The following TTC23 variants were observed in gnomAD, a reference collection of about 807,000 sequenced individuals.
The protein encoded by TTC23 is tetratricopeptide repeat protein 23.
TTC23 carries 58 observed loss-of-function variants against 55.1 expected under a neutral mutation model. The ratio of observed to expected loss-of-function variants is 1.05; its 90% CI spans 0.85 to 1.31. TTC23 has a LOEUF of 1.31. TTC23 is among the 50% of genes most tolerant of loss of function. The pLI, the probability that TTC23 is intolerant of heterozygous loss-of-function variation, is 0.00. For missense variants in TTC23, 516 were observed against 534.4 expected, an observed-to-expected ratio of 0.97 and a Z score of 0.34; for synonymous variants, 203 against 199.9, an observed-to-expected ratio of 1.02 and a Z score of -0.13.
chr15:99,201,184 T>G (rs1465999801), intron 8 of TTC23, among the ~76,000 whole-genome samples: 1 of 151,932 alleles, frequency 6.6e-6, no homozygotes, highest in Non-Finnish European at 1.5e-5. Flanking sequence ...AATGCTAATT[T>G]AGAAATTATA....
At position 99,228,634 on chromosome 15, in the gene TTC23, T is replaced by A. The variant is rs140275587; in HGVS notation, c.79A>T (p.Lys27Ter). 6.2e-7 allele frequency: 1 copy of A among 1,613,966 alleles called. No homozygotes were observed. The highest frequency in any genetic ancestry group is 1.7e-5 in the Admixed American group (1 of 60,024). Reference protein sequence around the residue: ...VAAVSITHRKKFQNKLLQTAL... With the variant: ...VAAVSITHRK ...GTCTGAAGCAGCTTGTTTTGGAACT[T>A]CTTTCTATGAGTGATGCTAACAGCA... The change falls in exon 5 of 14, where the codon AAG becomes TAG. Residue 27 changes from lysine to a stop codon, truncating the protein, a stop_gained. Transcript: ENST00000394132. LOFTEE classifies it high-confidence loss of function.
chr15:99,164,395 A>G (rs929429881), intron 10 of TTC23, among the ~76,000 whole-genome samples: 6 of 152,208 alleles, frequency 3.9e-5, no homozygotes, highest in African/African-American at 1.4e-4. Context: ...CTACCCTACA[A>G]GAGGAAAATG....
rs202193134 is a variant in TTC23 at position 99,137,736 on chromosome 15, C to T, written c.*274G>A. 1 of 442,200 alleles carries T rather than the reference C, an allele frequency of 2.3e-6. No homozygotes were observed. Among genetic ancestry groups the T allele is most frequent in the East Asian group, 4.2e-5 (1 of 23,946 alleles). 27.4% of individuals were successfully genotyped at this position (442,200 alleles called of 1,614,324 possible). On this transcript the variant is annotated 3_prime_UTR_variant, in exon 14 of 14. Transcript: ENST00000394132. The stretch of plus-strand genomic sequence containing the variant: ...CTGTTGAAGAGAAGTTTTTCAGCCA[C>T]AGTAGTGCTGATGGGTAAAAATTCT...
At chr15:99,141,439 G>A (rs912521976) in intron 12 of TTC23, among the ~76,000 whole-genome samples, 2 of 152,156 alleles carry the variant, frequency 1.3e-5, no homozygotes, top group Non-Finnish European at 2.9e-5. Flanking sequence ...ATCTGGGGAT[G>A]GGGTAGGTAT....
At chr15:99,210,576 G>C (rs985535668) in intron 8 of TTC23, among the ~76,000 whole-genome samples, 1 of 152,216 alleles carries the variant, frequency 6.6e-6, no homozygotes, top group Non-Finnish European at 1.5e-5. Flanking sequence ...GCAGGCAAGG[G>C]AGAAGCAGGA....
At chr15:99,165,026 G>A (rs933400518) in intron 10 of TTC23, among the ~76,000 whole-genome samples, 2 of 152,218 alleles carry the variant, frequency 1.3e-5, no homozygotes, top group African/African-American at 4.8e-5. Context: ...GGTATAAGGA[G>A]TAAACAGATT....
rs184435669 is a variant in TTC23, at chr15:99,168,185, C to T, written c.866-6318G>A. Among the ~76,000 whole-genome samples the T allele has an allele frequency of 4.6e-5, 7 of 152,308 alleles. No individual in the cohort carries two copies. The South Asian group carries it at 1.2e-3, about 27-fold the overall frequency. On this transcript the variant is annotated intron_variant, in intron 10 of 13. Coordinates refer to ENST00000394132, the MANE Select transcript of TTC23 (RefSeq NM_001288615.3). ...TTCAGGGAGTGGCAGGGCTGCTACT[C>T]ACTAGCTGTGTGATACAAGGAAGTC...
intron 3 of TTC23, among the ~76,000 whole-genome samples, chr15:99,236,523 T>C (rs960660639): frequency 2.6e-5 from 4 of 151,552 alleles, no homozygotes; most frequent in Non-Finnish European, 1.5e-5. Flanking sequence ...TGGAGTGCAG[T>C]GGTGTGATCG....
intron 6 of TTC23, 64 bp downstream of exon 6, chr15:99,221,677 T>C (rs2077940642): frequency 1.9e-6 from 3 of 1,601,986 alleles, no homozygotes; most frequent in Non-Finnish European, 2.6e-6. Context: ...TAAGTGTGAA[T>C]CAAATTTTGG....
intron 5 of TTC23, among the ~76,000 whole-genome samples, chr15:99,226,851 C>G (rs1409979133): frequency 6.6e-6 from 1 of 152,170 alleles, no homozygotes; most frequent in African/African-American, 2.4e-5. Flanking sequence ...GCACTTATCA[C>G]AGTCTATAAT....
intron 9 of TTC23, among the ~76,000 whole-genome samples, chr15:99,178,790 A>G (rs1430017033): frequency 6.6e-6 from 1 of 152,218 alleles, no homozygotes; most frequent in Non-Finnish European, 1.5e-5. Flanking sequence ...AAACAGGTTA[A>G]TGGAGGAAAA....
intron 9 of TTC23, among the ~76,000 whole-genome samples, chr15:99,197,925 G>GA (rs982407834): frequency 7.9e-5 from 12 of 151,456 alleles, no homozygotes; most frequent in Admixed American, 2.6e-4. Context: ...AAAGAAAAAA[G>GA]AAAAAAGAAA....
At chr15:99,205,587 C>T (rs2076559718) in intron 8 of TTC23, among the ~76,000 whole-genome samples, 1 of 147,998 alleles carries the variant, frequency 6.8e-6, no homozygotes. Context: ...GCATTACTTT[C>T]TTGTTTTTTT....
intron 3 of TTC23, among the ~76,000 whole-genome samples, chr15:99,238,426 A>C (rs1307004980): frequency 3.9e-5 from 6 of 152,208 alleles, no homozygotes; most frequent in Non-Finnish European, 7.3e-5. Context: ...TAGGTGCTAA[A>C]ATTGCTAGAA....
intron 2 of TTC23, among the ~76,000 whole-genome samples, chr15:99,243,133 G>A (rs941339606): frequency 1.3e-5 from 2 of 152,016 alleles, no homozygotes; most frequent in Non-Finnish European, 2.9e-5. Context: ...AATATATAAG[G>A]AGCTTAAACA....
At chr15:99,237,566 T>C (rs894888167) in intron 3 of TTC23, among the ~76,000 whole-genome samples, 1 of 152,188 alleles carries the variant, frequency 6.6e-6, no homozygotes, top group African/African-American at 2.4e-5. Context: ...ATTCCATTTA[T>C]ATAAATTTCA....
chr15:99,166,664 GCCT>G (rs2072146188), intron 10 of TTC23, among the ~76,000 whole-genome samples: 1 of 152,216 alleles, frequency 6.6e-6, no homozygotes, highest in African/African-American at 2.4e-5. Flanking sequence ...TCTGGGGGCA[GCCT>G]CCTCAAGTCG....
At chr15:99,142,145 C>T (rs994573465) in intron 12 of TTC23, among the ~76,000 whole-genome samples, 1 of 152,102 alleles carries the variant, frequency 6.6e-6, no homozygotes, top group Admixed American at 6.6e-5. Flanking sequence ...GGAGGGGATG[C>T]GGACATGTTT....
Position 99,199,948 on chromosome 15 carries a change from G to A in TTC23, c.730C>T (p.His244Tyr). 6.2e-7 allele frequency: 1 copy of A among 1,612,468 alleles called. No homozygotes were observed. Among genetic ancestry groups the A allele is most frequent in the Non-Finnish European group, 8.5e-7 (1 of 1,179,282 alleles). Residue 244 changes from histidine (H) to tyrosine (Y), a missense_variant, in exon 9 of 14, where the codon CAC becomes TAC. Transcript: ENST00000394132. ...AGGAAGTGGTTGATGGATACATCGTGGAGTCCCAGGGCTTGCTCTACACCT... is the reference window on the plus strand; with the variant it reads ...AGGAAGTGGTTGATGGATACATCGTAGAGTCCCAGGGCTTGCTCTACACCT... ...LAGVEQALGLHDVSINHFLQA... is the reference protein window; with the variant it reads ...LAGVEQALGLYDVSINHFLQA...
Sources: gnomAD v4.1 joint callset for allele counts (sites outside exome capture counted in the v4.1 genomes callset) on GRCh38, gnomAD v4.1.1 for gene constraint, MANE v1.5 for transcripts, NCBI Gene and HGNC (gene_info 2026-07-23, HGNC 2026-07-21) for gene names.